Variants in BICD1 observed in about 807,000 individuals in gnomAD.
The protein encoded by BICD1 is BICD cargo adaptor 1.
A neutral mutation model predicts 92.5 loss-of-function variants in BICD1; 35 were observed. The observed-to-expected ratio is 0.38, with a 90% confidence interval of 0.29 to 0.50. The LOEUF (loss-of-function observed/expected upper bound fraction) is 0.50, where lower values mean the gene tolerates loss of function less well. BICD1 is among the 20% of genes least tolerant of loss of function. BICD1 has a pLI of 0.93. For synonymous variants in BICD1, 429 were observed against 465.1 expected, an observed-to-expected ratio of 0.92 and a Z score of 1.00; for missense variants, 950 against 1,189.8, an observed-to-expected ratio of 0.80 and a Z score of 2.97.
In BICD1 at chr12:32,107,219, A is replaced by T. The variant is rs1265905293; in HGVS notation, c.-113A>T. 9.7e-7 allele frequency: 1 copy of T among 1,034,390 alleles called. No individual in the cohort carries two copies. 64.1% of individuals were successfully genotyped at this position (1,034,390 alleles called of 1,614,324 possible). On this transcript the variant is annotated 5_prime_UTR_variant, in exon 1 of 10. Coordinates refer to ENST00000652176, the MANE Select transcript of BICD1 (RefSeq NM_001714.4). ...TCGCGCTGCTCATTCATCCGGCCGC[A>T]CTTTCTTTTCCGTTTCCACCCATCC...
intron 8 of BICD1, among the ~76,000 whole-genome samples, chr12:32,341,919 T>G (rs901600): frequency 0.33 from 50,334 of 151,656 alleles, 9,558 homozygotes; most frequent in African/African-American, 0.52. Flanking sequence ...AAAGAGAAAA[T>G]ATGACATATA....
In BICD1 at chr12:32,376,314, C is replaced by T. The variant is rs189366223; in HGVS notation, c.2841-1226C>T. Among the ~76,000 whole-genome samples, 190 of 152,132 alleles carry T rather than the reference C, an allele frequency of 1.2e-3. 1 individual carries two copies. Among genetic ancestry groups the T allele is most frequent in the African/African-American group, 4.4e-3 (181 of 41,536 alleles). ...ATGTTGGCCAGGATGGTCTCAATCT[C>T]TTGACCTCATAATCCTCCTGCCTTG... On this transcript the variant is annotated intron_variant, in intron 9 of 9. Coordinates refer to ENST00000652176, the MANE Select transcript of BICD1 (RefSeq NM_001714.4).
rs181292273 is a variant in BICD1 at position 32,325,037 on chromosome 12, G to A, written c.1006-2424G>A. Reference sequence around the variant, plus strand: ...GGTAGTTTTGGGGATTTTTTTAGAGGCAGGGTTTCACTATGTTGCCTCAGC... The same window carrying A: ...GGTAGTTTTGGGGATTTTTTTAGAGACAGGGTTTCACTATGTTGCCTCAGC... On this transcript the variant is annotated intron_variant, in intron 4 of 9. Coordinates refer to ENST00000652176, the MANE Select transcript of BICD1 (RefSeq NM_001714.4). Among the ~76,000 whole-genome samples the A allele has an allele frequency of 3.1e-3, 469 of 152,090 alleles. 2 individuals carry two copies. The highest frequency in any genetic ancestry group is 7.5e-3 in the South Asian group (36 of 4,812).
At chr12:32,217,645 T>A (rs10844152) in intron 2 of BICD1, among the ~76,000 whole-genome samples, 4 of 151,988 alleles carry the variant, frequency 2.6e-5, no homozygotes, top group Non-Finnish European at 5.9e-5. Flanking sequence ...AAGAAGAAGA[T>A]GAGACAGTTT....
At chr12:32,131,619 C>A (rs1296151367) in intron 1 of BICD1, among the ~76,000 whole-genome samples, 1 of 152,158 alleles carries the variant, frequency 6.6e-6, no homozygotes, top group Non-Finnish European at 1.5e-5. Flanking sequence ...TAAAACAACT[C>A]TGTTGCACAA....
At chr12:32,323,013 T>A (rs1948696253) in intron 4 of BICD1, among the ~76,000 whole-genome samples, 1 of 152,214 alleles carries the variant, frequency 6.6e-6, no homozygotes, top group Non-Finnish European at 1.5e-5. Flanking sequence ...ACAAAAACAC[T>A]TCTGACATAA....
In BICD1 at chr12:32,238,944, C is replaced by CAAA. The variant is rs111403291; in HGVS notation, c.426+22503_426+22505dup. On this transcript the variant is annotated intron_variant, in intron 2 of 9. Transcript: ENST00000652176. The stretch of plus-strand genomic sequence containing the variant: ...GGGCAACAAGAGCAAAACTCTGTCT[C>CAAA]AAAAAAAAAAAAAAAAAAAAGGCTG... 5.4e-3 allele frequency among the ~76,000 whole-genome samples: 383 copies of CAAA among 70,526 alleles called. 4 individuals are homozygous for CAAA. The highest frequency in any genetic ancestry group is 0.016 in the African/African-American group (361 of 22,996). The allele number at this position is 70,526 out of a possible 152,430, so 46.3% of individuals were successfully genotyped here.
chr12:32,331,907 C>T (rs1937890672), intron 5 of BICD1, among the ~76,000 whole-genome samples: 2 of 152,142 alleles, frequency 1.3e-5, no homozygotes, highest in South Asian at 4.1e-4. Flanking sequence ...CAAGTATTAA[C>T]AGATGACATT....
At chr12:32,298,291 A>G (rs1343523823) in intron 3 of BICD1, among the ~76,000 whole-genome samples, 3 of 151,458 alleles carry the variant, frequency 2.0e-5, no homozygotes, top group African/African-American at 7.3e-5. Context: ...CCTGGGTGCA[A>G]TGGCTGATGC....
chr12:32,339,881 G>A (rs1453774001), intron 8 of BICD1: 1 of 943,638 alleles, frequency 1.1e-6, no homozygotes, highest in Non-Finnish European at 1.3e-6. Context: ...GGCCTCTTTT[G>A]GAAGATTCTG....
In BICD1 at chr12:32,383,466, T is replaced by C. The variant is rs1379149311; in HGVS notation, c.*5839T>C. The C allele has an allele frequency of 6.6e-6, 1 of 152,166 alleles. No homozygotes were observed. Among genetic ancestry groups the C allele is most frequent in the Non-Finnish European group, 1.5e-5 (1 of 68,000 alleles). The allele number at this position is 152,166 out of a possible 1,614,324, so 9.4% of individuals were successfully genotyped here. On this transcript the variant is annotated 3_prime_UTR_variant, in exon 10 of 10. Transcript: ENST00000652176. ...AGAACACATGATATGTGCTTGTATT[T>C]GTGTAATCTGATCATGCACTCAATG...
At chr12:32,134,307 G>T (rs1001338734) in intron 1 of BICD1, among the ~76,000 whole-genome samples, 2 of 152,172 alleles carry the variant, frequency 1.3e-5, no homozygotes, top group East Asian at 3.8e-4. Context: ...GTCCCCGAGG[G>T]CCAGGGAGGC....
chr12:32,209,371 CAG>C (rs1945150007), intron 1 of BICD1, among the ~76,000 whole-genome samples: 1 of 152,054 alleles, frequency 6.6e-6, no homozygotes, highest in Non-Finnish European at 1.5e-5. Context: ...GTAGAGAAAA[CAG>C]AGATAATTAT....
chr12:32,203,111 T>A (rs1944953769), intron 1 of BICD1, among the ~76,000 whole-genome samples: 1 of 152,188 alleles, frequency 6.6e-6, no homozygotes, highest in African/African-American at 2.4e-5. Context: ...GGTAATACAT[T>A]AAATGGTGCA....
intron 1 of BICD1, among the ~76,000 whole-genome samples, chr12:32,120,083 T>C (rs1324010473): frequency 6.6e-6 from 1 of 152,226 alleles, no homozygotes; most frequent in African/African-American, 2.4e-5. Flanking sequence ...CTGTTTAAAG[T>C]GTCTTTTAAA....
chr12:32,129,466 A>G (rs568895781), intron 1 of BICD1, among the ~76,000 whole-genome samples: 1 of 144,700 alleles, frequency 6.9e-6, no homozygotes, highest in South Asian at 2.2e-4. Context: ...TGGAGGTTGC[A>G]GTGAGCTGAG....
chr12:32,241,476 C>T (rs1946233623), intron 2 of BICD1, among the ~76,000 whole-genome samples: 1 of 152,166 alleles, frequency 6.6e-6, no homozygotes, highest in Admixed American at 6.5e-5. Flanking sequence ...GATTAGTGCC[C>T]TCTGGGAAAC....
At chr12:32,252,994 C>T (rs1946607729) in intron 2 of BICD1, among the ~76,000 whole-genome samples, 1 of 152,084 alleles carries the variant, frequency 6.6e-6, no homozygotes, top group South Asian at 2.1e-4. Flanking sequence ...AGGATTCTCC[C>T]ACCTCAGCCT....
At chr12:32,372,775 G>A (rs1344728810) in intron 9 of BICD1, among the ~76,000 whole-genome samples, 1 of 152,136 alleles carries the variant, frequency 6.6e-6, no homozygotes, top group Non-Finnish European at 1.5e-5. Context: ...TACTCAGGAG[G>A]CTGCGGTGGG....
Sources: gnomAD v4.1 joint callset for allele counts (sites outside exome capture counted in the v4.1 genomes callset) on GRCh38, gnomAD v4.1.1 for gene constraint, MANE v1.5 for transcripts, NCBI Gene and HGNC (gene_info 2026-07-23, HGNC 2026-07-21) for gene names.